The following DLGAP2 variants were observed in gnomAD, a reference collection of about 807,000 sequenced individuals.
DLGAP2 encodes disks large-associated protein 2.
In DLGAP2, 26 loss-of-function variants were observed where a neutral mutation model predicts 100.3. That is an observed-to-expected ratio of 0.26 (90% CI 0.19 to 0.36). The LOEUF (loss-of-function observed/expected upper bound fraction) is 0.36, where lower values mean the gene tolerates loss of function less well. DLGAP2 is among the 10% of genes least tolerant of loss of function. The pLI is 1.00. For missense variants in DLGAP2, 1,858 were observed against 1,453.2 expected (o/e 1.28, Z -4.53); for synonymous variants, 886 against 630.1 (o/e 1.41, Z -6.08).
At chr8:991,714 G>C (rs374291722) in intron 2 of DLGAP2, among the ~76,000 whole-genome samples, 109 of 1,526 alleles carry the variant, frequency 0.071, no homozygotes, top group Non-Finnish European at 0.1. Context: ...TCCTTGCCCA[G>C]ACCCCCTGCA....
chr8:1,464,887 C>G (rs914479803), intron 3 of DLGAP2, among the ~76,000 whole-genome samples: 1 of 151,802 alleles, frequency 6.6e-6, no homozygotes, highest in Admixed American at 6.6e-5. Context: ...TAGAATCACT[C>G]TTCACAAAAA....
In DLGAP2 at chr8:1,245,586, G is replaced by A. The variant is rs1000708316; in HGVS notation, c.74-13265G>A. Among the ~76,000 whole-genome samples the A allele has an allele frequency of 4.6e-5, 7 of 152,274 alleles. No individual in the cohort carries two copies. The East Asian group carries it at 5.8e-4, about 13-fold the overall frequency. ...AGTGGTGGCCTGGGGCTGGGGGCATGGAAATGAGGGTTAACTGCCGAAGGG... is the reference window on the plus strand; with the variant it reads ...AGTGGTGGCCTGGGGCTGGGGGCATAGAAATGAGGGTTAACTGCCGAAGGG... On this transcript the variant is annotated intron_variant, in intron 2 of 14. Coordinates refer to ENST00000637795, the MANE Select transcript of DLGAP2 (RefSeq NM_001346810.2).
At chr8:1,193,836 T>A (rs1563244587) in intron 2 of DLGAP2, among the ~76,000 whole-genome samples, 1 of 151,948 alleles carries the variant, frequency 6.6e-6, no homozygotes, top group East Asian at 1.9e-4. Context: ...AGCATCCGGG[T>A]GGGGCAGATC....
intron 14 of DLGAP2, among the ~76,000 whole-genome samples, chr8:1,698,641 G>A (rs62483155): frequency 5.5e-4 from 77 of 140,612 alleles, no homozygotes; most frequent in South Asian, 1.2e-3. Flanking sequence ...GGACTAGACA[G>A]GTCCAAGTAA....
intron 3 of DLGAP2, among the ~76,000 whole-genome samples, chr8:1,416,435 ATG>A (rs1347713039): frequency 6.6e-6 from 1 of 152,160 alleles, no homozygotes; most frequent in African/African-American, 2.4e-5. Context: ...TTTTCCATAA[ATG>A]TGTCTGATCC....
chr8:1,177,472 C>G (rs573169801), intron 2 of DLGAP2, among the ~76,000 whole-genome samples: 2 of 151,978 alleles, frequency 1.3e-5, no homozygotes, highest in Admixed American at 6.6e-5. Context: ...GCACGAGACC[C>G]GATTCTGAAT....
chr8:1,520,164 G>A (rs1410659488), intron 4 of DLGAP2, among the ~76,000 whole-genome samples: 3 of 152,182 alleles, frequency 2.0e-5, no homozygotes, highest in South Asian at 2.1e-4. Context: ...ATTATCTGAC[G>A]AGATCAATGG....
intron 3 of DLGAP2, among the ~76,000 whole-genome samples, chr8:1,309,685 C>G (rs1483524774): frequency 6.6e-6 from 1 of 152,142 alleles, no homozygotes; most frequent in African/African-American, 2.4e-5. Context: ...CCAGGAAAAC[C>G]AACAAGATTA....
At chr8:1,462,232 C>T (rs1167424299) in intron 3 of DLGAP2, among the ~76,000 whole-genome samples, 8 of 58,164 alleles carry the variant, frequency 1.4e-4, no homozygotes, top group Non-Finnish European at 9.1e-5. Flanking sequence ...GGGTGGCGTT[C>T]AGGTTGGGAG....
At chr8:1,652,145 T>C (rs959773679) in intron 8 of DLGAP2, among the ~76,000 whole-genome samples, 1 of 152,252 alleles carries the variant, frequency 6.6e-6, no homozygotes, top group African/African-American at 2.4e-5. Flanking sequence ...AACCTGGTGC[T>C]AAGGAACTAT....
chr8:957,995 C>G (rs895426374), intron 2 of DLGAP2, among the ~76,000 whole-genome samples: 14 of 152,298 alleles, frequency 9.2e-5, no homozygotes, highest in South Asian at 6.2e-4. Context: ...CTCTGAAACT[C>G]CGTCATCCCT....
intron 8 of DLGAP2, among the ~76,000 whole-genome samples, chr8:1,667,209 G>C (rs1165879399): frequency 1.3e-5 from 2 of 152,222 alleles, no homozygotes; most frequent in Non-Finnish European, 2.9e-5. Context: ...TTGAGGGAGA[G>C]TGTTAGGGAG....
intron 2 of DLGAP2, among the ~76,000 whole-genome samples, chr8:1,179,931 C>A (rs17815681): frequency 6.6e-6 from 1 of 152,058 alleles, no homozygotes; most frequent in Non-Finnish European, 1.5e-5. Flanking sequence ...GAAATTAAAC[C>A]GTGCCTTTAG....
chr8:1,316,665 C>A (rs979141440), intron 3 of DLGAP2, among the ~76,000 whole-genome samples: 1 of 142,964 alleles, frequency 7.0e-6, no homozygotes, highest in African/African-American at 2.7e-5. Context: ...ACTCGAGACA[C>A]TTGGCAGCTT....
intron 1 of DLGAP2, among the ~76,000 whole-genome samples, chr8:866,681 C>T (rs563813780): frequency 3.5e-4 from 53 of 152,316 alleles, no homozygotes; most frequent in African/African-American, 1.2e-3. Flanking sequence ...TGTGCAGCTT[C>T]TGGCCACCAC....
chr8:778,067 A>C (rs899166098), intron 1 of DLGAP2, among the ~76,000 whole-genome samples: 1 of 133,800 alleles, frequency 7.5e-6, no homozygotes, highest in African/African-American at 2.8e-5. Flanking sequence ...TCTTCTCTGA[A>C]CTTCCCTTCT....
At chr8:946,483 T>A (rs554019296) in intron 2 of DLGAP2, among the ~76,000 whole-genome samples, 29 of 152,136 alleles carry the variant, frequency 1.9e-4, no homozygotes, top group Middle Eastern at 3.4e-3. Context: ...CAGGATGGTC[T>A]CGATCTCCTG....
intron 3 of DLGAP2, among the ~76,000 whole-genome samples, chr8:1,337,077 A>T (rs1158178609): frequency 6.6e-6 from 1 of 152,150 alleles, no homozygotes; most frequent in Non-Finnish European, 1.5e-5. Context: ...ACATGATGAG[A>T]AGATAGAGAG....
chr8:772,268 TA>T (rs1448660229), intron 1 of DLGAP2, among the ~76,000 whole-genome samples: 1 of 152,182 alleles, frequency 6.6e-6, no homozygotes, highest in South Asian at 2.1e-4. Context: ...TCATGTTTAA[TA>T]ATATATTATT....
Sources: allele counts gnomAD v4.1 joint callset (sites outside exome capture counted in the v4.1 genomes callset), GRCh38; gene constraint gnomAD v4.1.1; transcripts MANE v1.5; gene names NCBI Gene and HGNC (gene_info 2026-07-23, HGNC 2026-07-21).